The following CDHR3 variants were observed in gnomAD, a reference collection of about 807,000 sequenced individuals.
The protein encoded by CDHR3 is cadherin related family member 3.
A neutral mutation model predicts 86.6 loss-of-function variants in CDHR3; 79 were observed. That is an observed-to-expected ratio of 0.91 (90% CI 0.76 to 1.10). CDHR3 has a LOEUF of 1.10. Among genes scored for constraint, CDHR3 ranks in the 50% least tolerant of loss-of-function variants. The pLI is 0.00. For synonymous variants in CDHR3, 421 were observed against 402.4 expected (o/e 1.05, Z -0.55); for missense variants, 1,081 against 1,077.6 (o/e 1.00, Z -0.04).
At chr7:105,983,247 C>T (rs540102648) in intron 3 of CDHR3, among the ~76,000 whole-genome samples, 6 of 132,528 alleles carry the variant, frequency 4.5e-5, no homozygotes, top group African/African-American at 1.1e-4. Context: ...TTGGACAGAG[C>T]GCTCAGTAGA....
At chr7:105,985,750 G>A (rs907268342) in intron 4 of CDHR3, among the ~76,000 whole-genome samples, 3 of 152,104 alleles carry the variant, frequency 2.0e-5, no homozygotes, top group African/African-American at 7.2e-5. Context: ...TTTAATGGGT[G>A]TCTATGTGTT....
Position 106,032,465 on chromosome 7 carries a change from C to G in CDHR3, c.2426C>G (p.Pro809Arg). 6.2e-7 allele frequency: 1 copy of G among 1,613,780 alleles called. No individual in the cohort carries two copies. Among genetic ancestry groups the G allele is most frequent in the Non-Finnish European group, 8.5e-7 (1 of 1,179,814 alleles). The stretch of plus-strand genomic sequence containing the variant: ...TGGAAAGATCCACTAACCCAAATGC[C>G]AAAATGGAAAGAGTCCAGCCACCAG... ...RKWKDPLTQM[P>R]KWKESSHQGA... The change falls in exon 19 of 19, where the codon CCA becomes CGA. Residue 809 changes from proline to arginine, a missense_variant. Transcript: ENST00000317716.
intron 4 of CDHR3, among the ~76,000 whole-genome samples, chr7:105,991,391 GA>G (rs144724765): frequency 6.8e-5 from 10 of 147,494 alleles, no homozygotes; most frequent in East Asian, 3.9e-4. Context: ...GTGTTAAAAA[GA>G]AAAAAAAAAT....
At chr7:106,001,371 T>C in intron 6 of CDHR3, 91 bp from the exon 7 acceptor site, 1 of 1,402,006 alleles carries the variant, frequency 7.1e-7, no homozygotes, top group East Asian at 2.3e-5. Flanking sequence ...AGCTCTGCAC[T>C]ATATTTAGCA....
chr7:105,998,867 G>A (rs1198785381), intron 6 of CDHR3, among the ~76,000 whole-genome samples: 1 of 152,060 alleles, frequency 6.6e-6, no homozygotes, highest in African/African-American at 2.4e-5. Context: ...TGCTGTGTGT[G>A]CACAGCACTT....
intron 17 of CDHR3, among the ~76,000 whole-genome samples, chr7:106,028,924 C>CT (rs145554902): frequency 2.2e-5 from 2 of 90,060 alleles, no homozygotes; most frequent in Admixed American, 1.1e-4. Flanking sequence ...AATTTTCTTT[C>CT]TTTCTTTCTT....
intron 1 of CDHR3, 132 bp from the exon 2 acceptor site, chr7:105,974,712 T>G: frequency 1.5e-6 from 1 of 675,734 alleles, no homozygotes; most frequent in Non-Finnish European, 2.6e-6. Context: ...CAAGAGCGTT[T>G]GTTCTCGGGG....
chr7:106,022,437 A>T lies in CDHR3; in HGVS notation c.2065A>T (p.Thr689Ser), dbSNP rs1367917358. ...VIPHPTTIIT[T>S]TPRPRVTYQV... ...TCCCCACCCAACCACTATCATCACC[A>T]CGACCCCCAGGGTAAGGGCTTTAGG... Residue 689 changes from threonine (T) to serine (S), a missense_variant, in exon 14 of 19, where the codon ACG (threonine) becomes TCG (serine). Transcript: ENST00000317716. The T allele has an allele frequency of 6.2e-7, 1 of 1,613,712 alleles. No homozygotes were observed. Among genetic ancestry groups the T allele is most frequent in the Non-Finnish European group, 8.5e-7 (1 of 1,179,680 alleles).
At chr7:106,032,315 G>C in intron 18 of CDHR3, 78 bp from the exon 19 acceptor site, 5 of 1,381,504 alleles carry the variant, frequency 3.6e-6, no homozygotes, top group Non-Finnish European at 4.0e-6. Context: ...AGTCAGAACA[G>C]AGCAGGGTAG....
At chr7:105,992,123 C>T (rs564822378) in intron 4 of CDHR3, among the ~76,000 whole-genome samples, 4 of 152,318 alleles carry the variant, frequency 2.6e-5, no homozygotes, top group South Asian at 4.1e-4. Context: ...TTTGTTCCCT[C>T]GGTTGACCAT....
chr7:105,997,030 C>T (rs1017604603), intron 6 of CDHR3, among the ~76,000 whole-genome samples: 7 of 152,096 alleles, frequency 4.6e-5, no homozygotes, highest in African/African-American at 1.4e-4. Flanking sequence ...CTGCAAACAG[C>T]CTGGCATACT....
In CDHR3 at chr7:106,015,154, C is replaced by A; in HGVS notation, c.1268C>A (p.Ala423Asp). The A allele has an allele frequency of 6.2e-7, 1 of 1,611,334 alleles. No individual in the cohort carries two copies. Among genetic ancestry groups the A allele is most frequent in the Non-Finnish European group, 8.5e-7 (1 of 1,178,874 alleles). ...LDYENPSNLA[A>D]GNKYTVIIQV... ...TACGAAAATCCAAGTAACCTAGCAG[C>A]CGGCAATAAATATACGGTGATAATC... The change falls in exon 10 of 19, where the codon GCC (alanine) becomes GAC (aspartate). Residue 423 changes from alanine (A) to aspartate (D), a missense_variant. Transcript: ENST00000317716.
At chr7:105,980,620 T>A (rs1229958155) in intron 2 of CDHR3, among the ~76,000 whole-genome samples, 11 of 63,088 alleles carry the variant, frequency 1.7e-4, no homozygotes, top group African/African-American at 7.2e-4. Flanking sequence ...TTTTTTTTTT[T>A]TAATTTTTTT....
chr7:106,030,820 A>G lies in CDHR3; in HGVS notation c.2333A>G (p.Asp778Gly), dbSNP rs1838215432. The G allele has an allele frequency of 3.7e-6, 6 of 1,611,362 alleles. No homozygotes were observed. The African/African-American group carries it at 5.3e-5, about 14-fold the overall frequency. The change falls in exon 18 of 19, where the codon GAT becomes GGT. Residue 778 changes from aspartate (D) to glycine (G), a missense_variant. Coordinates refer to ENST00000317716, the MANE Select transcript of CDHR3 (RefSeq NM_152750.5). The surrounding 1 kb of genome is among the most constrained non-coding windows in gnomAD (Gnocchi z 4.8). ...VETIQMNTIF[D>G]GEAIDPVTGE... ...ACTATCCAGATGAACACTATCTTTG[A>G]TGGAGAAGCCATAGATCCAGGTAAT...
At chr7:105,976,981 T>TG (rs1828919060) in intron 2 of CDHR3, among the ~76,000 whole-genome samples, 2 of 128,118 alleles carry the variant, frequency 1.6e-5, no homozygotes, top group Admixed American at 8.1e-5. Context: ...ATACCTGATC[T>TG]CTTTTTTTTT....
chr7:106,009,941 G>T (rs116277646), intron 8 of CDHR3, among the ~76,000 whole-genome samples: 3,051 of 152,328 alleles, frequency 0.02, 108 homozygotes, highest in African/African-American at 0.069. Context: ...AGCGAGGGCA[G>T]CTCGCTTTTG....
At chr7:106,011,958 A>G (rs577192140) in intron 8 of CDHR3, among the ~76,000 whole-genome samples, 2 of 152,374 alleles carry the variant, frequency 1.3e-5, no homozygotes, top group Admixed American at 1.3e-4. Context: ...TGAAGCCACT[A>G]GAACAGAAGT....
intron 2 of CDHR3, among the ~76,000 whole-genome samples, chr7:105,977,686 G>T (rs1254744842): frequency 6.6e-6 from 1 of 152,202 alleles, no homozygotes; most frequent in South Asian, 2.1e-4. Flanking sequence ...TACTCCTGCA[G>T]CCTTCCAGAC....
intron 7 of CDHR3, among the ~76,000 whole-genome samples, chr7:106,003,070 G>A (rs10953487): frequency 0.16 from 24,138 of 149,774 alleles, 2,450 homozygotes; most frequent in Admixed American, 0.27. Flanking sequence ...GGAGTTTAAG[G>A]CTGCAGTGAG....
Sources: gnomAD v4.1 joint callset for allele counts (sites outside exome capture counted in the v4.1 genomes callset) on GRCh38, gnomAD v4.1.1 for gene constraint, Gnocchi (gnomAD v3.1) non-coding constraint, MANE v1.5 for transcripts, NCBI Gene and HGNC (gene_info 2026-07-23, HGNC 2026-07-21) for gene names.